DPH6: variants seen among roughly 807,000 people sequenced by gnomAD.
DPH6 encodes diphthamine biosynthesis 6.
Under a neutral mutation model 38.2 loss-of-function variants are expected in DPH6, and 33 were observed. That is an observed-to-expected ratio of 0.86 (90% CI 0.65 to 1.15). The LOEUF (loss-of-function observed/expected upper bound fraction) is 1.15, where lower values mean the gene tolerates loss of function less well. Among genes scored for constraint, DPH6 ranks in the 50% most tolerant of loss-of-function variants. The pLI is 0.00. For missense variants in DPH6, 325 were observed against 320.0 expected (o/e 1.02, Z -0.12); for synonymous variants, 108 against 103.0 (o/e 1.05, Z -0.30).
intron 3 of DPH6, among the ~76,000 whole-genome samples, chr15:35,261,214 T>C (rs1470142194): frequency 6.6e-6 from 1 of 152,228 alleles, no homozygotes; most frequent in Non-Finnish European, 1.5e-5. Context: ...TCCTTCCTGA[T>C]GCAGTACAGC....
chr15:35,451,988 C>T lies in DPH6; in HGVS notation c.387-1185G>A, dbSNP rs533197882. ...TTGCGCCGCTGCACTCCAGCCTGGG[C>T]GACAGAGCGAGACTCTGTCTCAAAA... On this transcript the variant is annotated intron_variant, in intron 4 of 8. Coordinates refer to ENST00000256538, the MANE Select transcript of DPH6 (RefSeq NM_080650.4). Among the ~76,000 whole-genome samples, 4 of 152,126 alleles carry T rather than the reference C, an allele frequency of 2.6e-5. No individual in the cohort carries two copies. In the South Asian group the frequency reaches 6.2e-4, roughly 24 times the overall value.
chr15:35,408,997 T>C (rs2053330174), intron 6 of DPH6, among the ~76,000 whole-genome samples: 1 of 151,816 alleles, frequency 6.6e-6, no homozygotes, highest in African/African-American at 2.4e-5. Flanking sequence ...GATATTGATA[T>C]GAAGGAGACA....
Position 35,467,626 on chromosome 15 carries a change from A to G in DPH6, c.313-12806T>C, listed in dbSNP as rs1039754628. On this transcript the variant is annotated intron_variant, in intron 3 of 8. Coordinates refer to ENST00000256538, the MANE Select transcript of DPH6 (RefSeq NM_080650.4). Reference sequence around the variant, plus strand: ...AAGACACAAGCACATGCATTAGCCTAACAGTGTCAAGGTTATCAGTAACAC... The same window carrying G: ...AAGACACAAGCACATGCATTAGCCTGACAGTGTCAAGGTTATCAGTAACAC... Among the ~76,000 whole-genome samples the G allele has an allele frequency of 3.9e-5, 6 of 152,190 alleles. No individual in the cohort carries two copies. The East Asian group carries it at 7.7e-4, about 20-fold the overall frequency.
chr15:35,213,834 C>T (rs145823032), downstream of DPH6, among the ~76,000 whole-genome samples: 113 of 152,258 alleles, frequency 7.4e-4, no homozygotes, highest in Admixed American at 1.3e-3. Context: ...AAGAAGAGGC[C>T]GGGCGCGGTG....
chr15:35,212,842 TG>T (rs543852080), downstream of DPH6, among the ~76,000 whole-genome samples: 12 of 152,204 alleles, frequency 7.9e-5, no homozygotes, highest in Non-Finnish European at 1.6e-4. Flanking sequence ...CTAATGTAAA[TG>T]CTTAAATAGT....
At chr15:35,319,838 A>G (rs770048941) in intron 3 of DPH6, among the ~76,000 whole-genome samples, 7 of 152,032 alleles carry the variant, frequency 4.6e-5, no homozygotes, top group Non-Finnish European at 8.8e-5. Context: ...CTACCAACAT[A>G]CAAGAACAGT....
chr15:35,430,352 C>CT (rs960531942), intron 5 of DPH6, among the ~76,000 whole-genome samples: 3 of 147,006 alleles, frequency 2.0e-5, no homozygotes, highest in Admixed American at 6.9e-5. Flanking sequence ...TGTACTTTAA[C>CT]TTTTTTTTTG....
the DPH6 span, among the ~76,000 whole-genome samples, chr15:35,146,338 C>G: frequency 6.6e-6 from 1 of 152,226 alleles, no homozygotes; most frequent in South Asian, 2.1e-4. Flanking sequence ...AAACCTAAAA[C>G]TGTCAAGACT....
chr15:35,404,860 G>A (rs541421975), intron 6 of DPH6, among the ~76,000 whole-genome samples: 1 of 152,140 alleles, frequency 6.6e-6, no homozygotes, highest in African/African-American at 2.4e-5. Context: ...AATTTGAGGT[G>A]TTAGATTTAA....
intron 3 of DPH6, among the ~76,000 whole-genome samples, chr15:35,352,898 C>T (rs551236998): frequency 9.2e-5 from 14 of 152,334 alleles, no homozygotes; most frequent in East Asian, 3.9e-4. Context: ...GTCCCACCAA[C>T]AGTGTAAAAG....
chr15:35,242,282 C>A (rs1165849740), intron 3 of DPH6, among the ~76,000 whole-genome samples: 3 of 143,144 alleles, frequency 2.1e-5, no homozygotes, highest in Non-Finnish European at 3.1e-5. Flanking sequence ...CAATCCCTTA[C>A]AAAACAACAA....
At chr15:35,512,732 A>G (rs2054792504) in intron 3 of DPH6, among the ~76,000 whole-genome samples, 1 of 152,192 alleles carries the variant, frequency 6.6e-6, no homozygotes, top group Admixed American at 6.5e-5. Context: ...TACATTAAAA[A>G]AAGACTTTGA....
intron 3 of DPH6, among the ~76,000 whole-genome samples, chr15:35,252,311 T>G (rs768541056): frequency 3.9e-5 from 6 of 152,134 alleles, no homozygotes; most frequent in Non-Finnish European, 5.9e-5. Flanking sequence ...CCATGAAAGA[T>G]AGTAGCTGGT....
intron 3 of DPH6, among the ~76,000 whole-genome samples, chr15:35,298,043 CTT>C (rs537874401): frequency 6.6e-6 from 1 of 152,032 alleles, no homozygotes; most frequent in Non-Finnish European, 1.5e-5. Context: ...CTAACATTTT[CTT>C]TTTGTTTTTT....
At chr15:35,474,223 T>A (rs1232887595) in intron 3 of DPH6, among the ~76,000 whole-genome samples, 1 of 152,088 alleles carries the variant, frequency 6.6e-6, no homozygotes, top group Non-Finnish European at 1.5e-5. Context: ...CCAAGTTAAA[T>A]TTTTCCCCTC....
intron 3 of DPH6, among the ~76,000 whole-genome samples, chr15:35,260,051 T>A (rs1008794140): frequency 2.0e-5 from 3 of 152,164 alleles, no homozygotes; most frequent in Admixed American, 1.3e-4. Context: ...GAGTAAATAA[T>A]CAATGTTCAT....
At chr15:35,206,699 C>G in the DPH6 span, among the ~76,000 whole-genome samples, 5 of 152,174 alleles carry the variant, frequency 3.3e-5, no homozygotes, top group African/African-American at 1.2e-4. Flanking sequence ...AATTCACACA[C>G]TGATATGATT....
intron 3 of DPH6, among the ~76,000 whole-genome samples, chr15:35,303,412 C>T (rs773126764): frequency 7.2e-5 from 11 of 151,732 alleles, no homozygotes; most frequent in East Asian, 1.9e-4. Context: ...TACCAATAGA[C>T]GTTCCAATGA....
intron 3 of DPH6, among the ~76,000 whole-genome samples, chr15:35,288,703 A>G (rs1209315906): frequency 2.0e-5 from 3 of 152,166 alleles, no homozygotes; most frequent in Non-Finnish European, 4.4e-5. Context: ...GCAAATTATG[A>G]CAAATCCCAT....
Sources: gnomAD v4.1 joint callset for allele counts (sites outside exome capture counted in the v4.1 genomes callset) on GRCh38, gnomAD v4.1.1 for gene constraint, MANE v1.5 for transcripts, NCBI Gene and HGNC (gene_info 2026-07-23, HGNC 2026-07-21) for gene names.